ROBO2: variants seen among roughly 807,000 people sequenced by gnomAD.
The protein encoded by ROBO2 is roundabout homolog 2.
ROBO2 carries 53 observed loss-of-function variants against 160.8 expected under a neutral mutation model. The ratio of observed to expected loss-of-function variants is 0.33; its 90% CI spans 0.26 to 0.41. ROBO2 has a LOEUF of 0.41. Among genes scored for constraint, ROBO2 ranks in the 10% least tolerant of loss-of-function variants. ROBO2 has a pLI of 1.00. For missense variants in ROBO2, 1,577 were observed against 1,722.4 expected (o/e 0.92, Z 1.49); for synonymous variants, 664 against 611.7 (o/e 1.09, Z -1.26).
At chr3:76,516,363 A>G (rs1247635669) in intron 2 of ROBO2, among the ~76,000 whole-genome samples, 1 of 152,132 alleles carries the variant, frequency 6.6e-6, no homozygotes, top group African/African-American at 2.4e-5. Context: ...TATCCTTTTT[A>G]TGACTTCCCC....
At chr3:76,733,081 G>A (rs976955201) in intron 2 of ROBO2, among the ~76,000 whole-genome samples, 5 of 152,038 alleles carry the variant, frequency 3.3e-5, no homozygotes, top group Non-Finnish European at 5.9e-5. Flanking sequence ...GCACAGAAAA[G>A]CAATTCTATG....
intron 2 of ROBO2, among the ~76,000 whole-genome samples, chr3:76,890,954 A>G (rs1436230465): frequency 6.6e-6 from 1 of 152,140 alleles, no homozygotes; most frequent in Non-Finnish European, 1.5e-5. Context: ...TTTCTGGTAT[A>G]TATTATTTGT....
chr3:76,081,339 A>G (rs2108028530), intron 2 of ROBO2, among the ~76,000 whole-genome samples: 1 of 152,254 alleles, frequency 6.6e-6, no homozygotes, highest in Admixed American at 6.5e-5. Context: ...ATGAATAGTC[A>G]TGTAACTGAA....
chr3:76,159,763 A>C (rs576430893), intron 2 of ROBO2, among the ~76,000 whole-genome samples: 5 of 152,298 alleles, frequency 3.3e-5, no homozygotes, highest in African/African-American at 1.2e-4. Flanking sequence ...CAGCCACCCT[A>C]GTTCTTTAGT....
intron 15 of ROBO2, among the ~76,000 whole-genome samples, chr3:77,578,828 T>C (rs533912213): frequency 2.6e-5 from 4 of 152,052 alleles, no homozygotes; most frequent in Non-Finnish European, 5.9e-5. Context: ...TTTTGTACCA[T>C]TTGGCACTAA....
intron 6 of ROBO2, among the ~76,000 whole-genome samples, chr3:77,526,374 T>G (rs1203117225): frequency 6.6e-6 from 1 of 151,428 alleles, no homozygotes; most frequent in Non-Finnish European, 1.5e-5. Flanking sequence ...TGTTCCAGAG[T>G]CACATTACAT....
chr3:76,318,110 G>A (rs1359700243), intron 2 of ROBO2, among the ~76,000 whole-genome samples: 1 of 151,808 alleles, frequency 6.6e-6, no homozygotes, highest in Non-Finnish European at 1.5e-5. Context: ...TTAATTTAAT[G>A]ACAAATAGGG....
At chr3:76,368,286 C>T (rs1310851397) in intron 2 of ROBO2, among the ~76,000 whole-genome samples, 1 of 151,862 alleles carries the variant, frequency 6.6e-6, no homozygotes, top group African/African-American at 2.4e-5. Context: ...AATATATGTT[C>T]CATTACTTAC....
At chr3:76,903,730 C>T (rs1375534327) in intron 2 of ROBO2, among the ~76,000 whole-genome samples, 4 of 152,078 alleles carry the variant, frequency 2.6e-5, no homozygotes, top group Admixed American at 6.6e-5. Context: ...CATGGGATTG[C>T]TATTGATTAT....
intron 2 of ROBO2, among the ~76,000 whole-genome samples, chr3:76,395,023 AT>A (rs1234199820): frequency 6.6e-6 from 1 of 152,036 alleles, no homozygotes; most frequent in Non-Finnish European, 1.5e-5. Context: ...CAGAATATAC[AT>A]TTTTTTCAGC....
intron 23 of ROBO2, among the ~76,000 whole-genome samples, chr3:77,622,787 T>A (rs936822728): frequency 1.1e-4 from 16 of 152,216 alleles, no homozygotes; most frequent in African/African-American, 1.9e-4. Flanking sequence ...ACATATGAAG[T>A]GAATGCAATC....
At chr3:77,247,106 T>C (rs1396768463) in intron 2 of ROBO2, among the ~76,000 whole-genome samples, 1 of 152,232 alleles carries the variant, frequency 6.6e-6, no homozygotes, top group Non-Finnish European at 1.5e-5. Context: ...AGTGGCTATC[T>C]ACCAAGAGCT....
intron 2 of ROBO2, among the ~76,000 whole-genome samples, chr3:76,221,800 T>C (rs542000863): frequency 1.3e-5 from 2 of 152,318 alleles, no homozygotes; most frequent in Non-Finnish European, 2.9e-5. Flanking sequence ...AGCAATGCTG[T>C]ATTTAATACT....
chr3:76,963,103 T>G (rs2149244765), intron 2 of ROBO2, among the ~76,000 whole-genome samples: 1 of 152,104 alleles, frequency 6.6e-6, no homozygotes, highest in Non-Finnish European at 1.5e-5. Context: ...TTGTTTAAAA[T>G]ATTAATCTCT....
intron 1 of ROBO2, among the ~76,000 whole-genome samples, chr3:77,081,927 T>G (rs1330650702): frequency 2.0e-5 from 3 of 152,098 alleles, no homozygotes; most frequent in African/African-American, 7.2e-5. Context: ...ATACCTTCAC[T>G]TCAGAAGGAG....
At chr3:76,784,030 T>C (rs2108639812) in intron 2 of ROBO2, among the ~76,000 whole-genome samples, 1 of 151,224 alleles carries the variant, frequency 6.6e-6, no homozygotes, top group African/African-American at 2.4e-5. Flanking sequence ...AATTTTTCAG[T>C]TGGAACACTG....
intron 2 of ROBO2, among the ~76,000 whole-genome samples, chr3:76,172,436 TA>T (rs59265395): frequency 0.57 from 71,273 of 124,580 alleles, 18,918 homozygotes; most frequent in African/African-American, 0.7. Flanking sequence ...GTATAATAAT[TA>T]AAAAAAAAAA....
intron 2 of ROBO2, among the ~76,000 whole-genome samples, chr3:76,077,922 T>A (rs1410859832): frequency 6.6e-6 from 1 of 152,190 alleles, no homozygotes; most frequent in Non-Finnish European, 1.5e-5. Flanking sequence ...TTCCCCCTTT[T>A]GCCACCAAAA....
At chr3:76,557,728 G>A (rs1173033990) in intron 2 of ROBO2, among the ~76,000 whole-genome samples, 1 of 144,222 alleles carries the variant, frequency 6.9e-6, no homozygotes, top group African/African-American at 2.6e-5. Flanking sequence ...CTGACTTCTT[G>A]TTCTAATTTG....
Sources: gnomAD v4.1 joint callset for allele counts (sites outside exome capture counted in the v4.1 genomes callset) on GRCh38, gnomAD v4.1.1 for gene constraint, MANE v1.5 for transcripts, NCBI Gene and HGNC (gene_info 2026-07-23, HGNC 2026-07-21) for gene names.